PLEKHM2: variants seen among roughly 807,000 people sequenced by gnomAD.
PLEKHM2 encodes the protein pleckstrin homology and RUN domain containing M2, also known as pleckstrin homology domain-containing family M member 2.
PLEKHM2 carries 77 observed loss-of-function variants against 116.3 expected under a neutral mutation model. That is an observed-to-expected ratio of 0.66 (90% CI 0.55 to 0.80). PLEKHM2 has a LOEUF of 0.80. PLEKHM2 is among the 30% of genes least tolerant of loss of function. PLEKHM2 has a pLI of 0.00. For missense variants in PLEKHM2, 1,183 were observed against 1,354.9 expected (o/e 0.87, Z 1.99); for synonymous variants, 562 against 571.0 (o/e 0.98, Z 0.22).
chr1:15,690,309 A>C (rs939925935), intron 1 of PLEKHM2, among the ~76,000 whole-genome samples: 1 of 151,992 alleles, frequency 6.6e-6, no homozygotes, highest in East Asian at 1.9e-4. Flanking sequence ...CCAGTAATAC[A>C]CCCACCTTGG....
At position 15,727,085 on chromosome 1, in the gene PLEKHM2, C is replaced by A; in HGVS notation, c.1013C>A (p.Pro338His). The A allele has an allele frequency of 6.5e-7, 1 of 1,531,794 alleles. No individual in the cohort carries two copies. The highest frequency in any genetic ancestry group is 8.8e-7 in the Non-Finnish European group (1 of 1,140,972). The allele number at this position is 1,531,794 out of a possible 1,614,324, so 94.9% of individuals were successfully genotyped here. A position where few individuals can be genotyped will look rare whatever the true frequency, so the allele number is the denominator to read the frequency against. Reference protein sequence around the residue: ...RSDEEASPLHPACSQKKCAKQ... With the variant: ...RSDEEASPLHHACSQKKCAKQ... Reference sequence around the variant, plus strand: ...GATGAGGAGGCAAGTCCACTCCACCCCGCCTGCAGCCAGAAGAAATGTGCC... The same window carrying A: ...GATGAGGAGGCAAGTCCACTCCACCACGCCTGCAGCCAGAAGAAATGTGCC... The change falls in exon 9 of 20, where the codon CCC becomes CAC. Residue 338 changes from proline to histidine, a missense_variant. By Grantham distance (77) the Pro-to-His change is moderately conservative. Transcript: ENST00000375799. The surrounding 1 kb of genome is among the most constrained non-coding windows in gnomAD (Gnocchi z 7.5).
At chr1:15,724,311 C>T (rs2068032611) in intron 7 of PLEKHM2, among the ~76,000 whole-genome samples, 1 of 152,118 alleles carries the variant, frequency 6.6e-6, no homozygotes, top group South Asian at 2.1e-4. Flanking sequence ...GGTGAAACCC[C>T]AGCTCTACTA....
intron 1 of PLEKHM2, among the ~76,000 whole-genome samples, chr1:15,687,316 G>A (rs572889942): frequency 4.6e-5 from 7 of 151,782 alleles, no homozygotes; most frequent in Admixed American, 4.6e-4. Context: ...ACAGGTTACA[G>A]GCGCCCGCCA....
chr1:15,684,519 C>CGGT lies in PLEKHM2; in HGVS notation c.-38_-37insTGG, dbSNP rs1557635842. 5 of 1,095,712 alleles carry CGGT rather than the reference C, an allele frequency of 4.6e-6. No individual in the cohort carries two copies. The highest frequency in any genetic ancestry group is 4.1e-5 in the South Asian group (1 of 24,538). 67.9% of individuals were successfully genotyped at this position (1,095,712 alleles called of 1,614,324 possible). A position where few individuals can be genotyped will look rare whatever the true frequency, so the allele number is the denominator to read the frequency against. Reference sequence around the variant, plus strand: ...GCGGGAAGCGGCGGCGGGGCGGCGGCGGCGGTGGCGGTGGCGGTGGCGGCG... The same window carrying CGGT: ...GCGGGAAGCGGCGGCGGGGCGGCGGCGGTGGCGGTGGCGGTGGCGGTGGCGGCG... On this transcript the variant is annotated 5_prime_UTR_variant, in exon 1 of 20. Coordinates refer to ENST00000375799, the MANE Select transcript of PLEKHM2 (RefSeq NM_015164.4).
At chr1:15,692,528 C>T (rs1462472083) in intron 1 of PLEKHM2, among the ~76,000 whole-genome samples, 2 of 152,206 alleles carry the variant, frequency 1.3e-5, no homozygotes, top group African/African-American at 2.4e-5. Flanking sequence ...TGAGTAACTC[C>T]ACCCAGGCTC....
intron 1 of PLEKHM2, among the ~76,000 whole-genome samples, chr1:15,690,157 C>T (rs1055321673): frequency 3.3e-5 from 5 of 152,004 alleles, no homozygotes; most frequent in Non-Finnish European, 7.4e-5. Flanking sequence ...ACCCCCTCCT[C>T]CTGGGTTCAA....
In PLEKHM2 at chr1:15,728,419, C is replaced by A; in HGVS notation, c.1921+62C>A. Reference sequence around the variant, plus strand: ...CGAGGCTGACTCTCAGCCCCTTTTCCCCAGTCCCCTTGCCCTCTGAGTGCC... The same window carrying A: ...CGAGGCTGACTCTCAGCCCCTTTTCACCAGTCCCCTTGCCCTCTGAGTGCC... On this transcript the variant is annotated intron_variant, in intron 11 of 19. Coordinates refer to ENST00000375799, the MANE Select transcript of PLEKHM2 (RefSeq NM_015164.4). This position sits in a 1 kb window ranked among gnomAD's most constrained non-coding sequence, Gnocchi z 5.9. 2 of 1,462,056 alleles carry A rather than the reference C, an allele frequency of 1.4e-6. No individual in the cohort carries two copies. The highest frequency in any genetic ancestry group is 1.2e-5 in the South Asian group (1 of 82,174). 90.6% of individuals were successfully genotyped at this position (1,462,056 alleles called of 1,614,324 possible).
Position 15,725,094 on chromosome 1 carries a change from GC to G in PLEKHM2, c.713-219del, listed in dbSNP as rs201478013. Among the ~76,000 whole-genome samples the G allele has an allele frequency of 9.9e-5, 15 of 152,182 alleles. 1 individual carries two copies. The highest frequency in any genetic ancestry group is 3.1e-4 in the African/African-American group (13 of 41,456). ...AGCCAAATTGTTGTGAGCTCCGGAG[GC>G]CCCAGGGGTGGTGGAGATGGTGTTC... On this transcript the variant is annotated intron_variant, in intron 7 of 19. Transcript: ENST00000375799.
At chr1:15,698,541 C>CTTTTTTTTTTTT (rs1249746368) in intron 1 of PLEKHM2, among the ~76,000 whole-genome samples, 5 of 139,028 alleles carry the variant, frequency 3.6e-5, no homozygotes, top group African/African-American at 1.5e-4. Context: ...TTCTTTCTTT[C>CTTTTTTTTTTTT]TTTCTTTCTT....
rs777502520 is a variant in PLEKHM2 at position 15,728,032 on chromosome 1, C to G, written c.1761-47C>G. The G allele has an allele frequency of 6.6e-7, 1 of 1,504,484 alleles. No homozygotes were observed. The highest frequency in any genetic ancestry group is 1.4e-5 in the African/African-American group (1 of 72,582). 93.2% of individuals were successfully genotyped at this position (1,504,484 alleles called of 1,614,324 possible). ...CTCTGGGGTGGGGTGTGGCCTCTCT[C>G]ACCGCTGCCTGCCTGACATCTCGCC... On this transcript the variant is annotated intron_variant, in intron 9 of 19. Coordinates refer to ENST00000375799, the MANE Select transcript of PLEKHM2 (RefSeq NM_015164.4). The surrounding 1 kb of genome is among the most constrained non-coding windows in gnomAD (Gnocchi z 5.9).
chr1:15,715,557 C>T (rs1641428125), intron 1 of PLEKHM2, among the ~76,000 whole-genome samples: 2 of 151,580 alleles, frequency 1.3e-5, no homozygotes, highest in African/African-American at 4.9e-5. Flanking sequence ...AGGAGAATCA[C>T]TTGAACCCAG....
rs752073359 is a variant in PLEKHM2 at position 15,728,337 on chromosome 1, A to G, written c.1901A>G (p.Tyr634Cys). 10 of 1,612,868 alleles carry G rather than the reference A, an allele frequency of 6.2e-6. No individual in the cohort carries two copies. Among genetic ancestry groups the G allele is most frequent in the African/African-American group, 2.7e-5 (2 of 74,932 alleles). The change falls in exon 11 of 20, where the codon TAT becomes TGT. Residue 634 changes from tyrosine (Y) to cysteine (C), a missense_variant. By Grantham distance (194) the Tyr-to-Cys change is radical. Around this residue, in one of 3 missense-constraint regions of PLEKHM2, gnomAD observed 594 missense variants for 720.1 expected, o/e 0.82. Coordinates refer to ENST00000375799, the MANE Select transcript of PLEKHM2 (RefSeq NM_015164.4). This position sits in a 1 kb window ranked among gnomAD's most constrained non-coding sequence, Gnocchi z 5.9. ...CTGTACGTGCTGCTCACAGACTGCT[A>G]TGTCTACCTGCTCCGGAAAGGTGCC... Reference protein sequence around the residue: ...QLLYVLLTDCYVYLLRKGATE... With the variant: ...QLLYVLLTDCCVYLLRKGATE...
rs1461061121 is a variant in PLEKHM2 at position 15,707,924 on chromosome 1, G to A, written c.61-8313G>A. On this transcript the variant is annotated intron_variant, in intron 1 of 19. Transcript: ENST00000375799. ...TTTGAGATGGAGTCTCGCTCTTGTC[G>A]CCTAGGCTGGAGTGCAGTGACGTGA... Among the ~76,000 whole-genome samples the A allele has an allele frequency of 2.6e-5, 4 of 152,226 alleles. No homozygotes were observed. In the East Asian group the frequency reaches 5.8e-4, roughly 22 times the overall value.
intron 1 of PLEKHM2, among the ~76,000 whole-genome samples, chr1:15,688,567 C>G (rs888669316): frequency 6.7e-6 from 1 of 149,794 alleles, no homozygotes; most frequent in African/African-American, 2.5e-5. Flanking sequence ...CAGGGAAGCA[C>G]TTGACCTGGG....
intron 7 of PLEKHM2, 91 bp from the exon 8 acceptor site, chr1:15,725,226 C>A: frequency 2.2e-6 from 2 of 901,294 alleles, no homozygotes; most frequent in Admixed American, 4.2e-5. Flanking sequence ...AACTGGCCAG[C>A]CTGCCTCCCT....
intron 7 of PLEKHM2, chr1:15,722,854 A>C (rs900213604): frequency 1.3e-5 from 2 of 151,902 alleles, no homozygotes; most frequent in Non-Finnish European, 2.9e-5. Context: ...CGATTCTAAC[A>C]ACTAACCCCC....
chr1:15,732,648 T>C lies in PLEKHM2; in HGVS notation c.2842T>C (p.Trp948Arg). Residue 948 changes from tryptophan to arginine, a missense_variant, in exon 19 of 20, where the codon TGG becomes CGG. Physicochemically the swap from Trp to Arg is moderately radical, Grantham distance 101. This residue lies in a region of PLEKHM2 where 594 missense variants were observed against 720.1 expected (regional missense o/e 0.82). Transcript: ENST00000375799. ...GGACAGCCAGCAGCTCCTCCCGCCCTGGGTCATCTACCTGAGCTGCACTTC... is the reference window on the plus strand; with the variant it reads ...GGACAGCCAGCAGCTCCTCCCGCCCCGGGTCATCTACCTGAGCTGCACTTC... ...SQDSQQLLPP[W>R]VIYLSCTSEL... The C allele has an allele frequency of 6.2e-7, 1 of 1,608,672 alleles. No individual in the cohort carries two copies. Among genetic ancestry groups the C allele is most frequent in the Non-Finnish European group, 8.5e-7 (1 of 1,177,694 alleles).
chr1:15,693,135 G>A (rs1056391672), intron 1 of PLEKHM2, among the ~76,000 whole-genome samples: 7 of 151,410 alleles, frequency 4.6e-5, no homozygotes, highest in African/African-American at 1.7e-4. Context: ...CCACCTCCTG[G>A]GTTCAAGAGA....
chr1:15,692,039 G>A (rs930239448), intron 1 of PLEKHM2, among the ~76,000 whole-genome samples: 15 of 152,164 alleles, frequency 9.9e-5, no homozygotes, highest in African/African-American at 3.6e-4. Flanking sequence ...CTTGAGCCCA[G>A]AAGTTCGAGG....
Sources: gnomAD v4.1 joint callset for allele counts (sites outside exome capture counted in the v4.1 genomes callset) on GRCh38, gnomAD v4.1.1 for gene constraint, gnomAD v4.1.1 regional missense constraint, Gnocchi (gnomAD v3.1) non-coding constraint, MANE v1.5 for transcripts, NCBI Gene and HGNC (gene_info 2026-07-23, HGNC 2026-07-21) for gene names.